The following DENND1A variants were observed in gnomAD, a reference collection of about 807,000 sequenced individuals.
DENND1A encodes DENN domain containing 1A, also known as DENN domain-containing protein 1A.
A neutral mutation model predicts 113.7 loss-of-function variants in DENND1A; 51 were observed. The observed-to-expected ratio is 0.45, with a 90% CI of 0.36 to 0.57. The LOEUF (loss-of-function observed/expected upper bound fraction) is 0.57. Ranked by LOEUF, DENND1A falls within the 20% of genes least tolerant of loss-of-function variation. DENND1A has a pLI of 0.00. For synonymous variants in DENND1A, 565 were observed against 570.8 expected, an observed-to-expected ratio of 0.99 and a Z score of 0.14; for missense variants, 1,258 against 1,395.9, an observed-to-expected ratio of 0.90 and a Z score of 1.57.
intron 13 of DENND1A, among the ~76,000 whole-genome samples, chr9:123,474,292 G>A (rs1461564813): frequency 6.6e-6 from 1 of 152,100 alleles, no homozygotes; most frequent in African/African-American, 2.4e-5. Flanking sequence ...ACCTTGCCCA[G>A]CCTGTAACAT....
intron 1 of DENND1A, among the ~76,000 whole-genome samples, chr9:123,911,512 G>T (rs983303591): frequency 1.5e-4 from 23 of 152,112 alleles, no homozygotes; most frequent in African/African-American, 5.3e-4. Flanking sequence ...AATGGGAATC[G>T]TACTACGCAG....
intron 5 of DENND1A, among the ~76,000 whole-genome samples, chr9:123,723,407 G>T (rs999123460): frequency 3.9e-5 from 6 of 152,166 alleles, no homozygotes; most frequent in African/African-American, 1.2e-4. Flanking sequence ...GGGAAGGCAT[G>T]ATTAGTTTTG....
intron 2 of DENND1A, among the ~76,000 whole-genome samples, chr9:123,834,106 C>T (rs896512779): frequency 2.6e-5 from 4 of 152,180 alleles, no homozygotes; most frequent in Admixed American, 2.6e-4. Flanking sequence ...ATTATCACTA[C>T]TGTTAAATGA....
At chr9:123,385,052 C>A (rs1446535832) in intron 22 of DENND1A, among the ~76,000 whole-genome samples, 1 of 152,250 alleles carries the variant, frequency 6.6e-6, no homozygotes, top group Non-Finnish European at 1.5e-5. Flanking sequence ...GTTCCACTTG[C>A]CTTCCCTTCC....
chr9:123,707,387 C>G (rs951865809), intron 5 of DENND1A, among the ~76,000 whole-genome samples: 2 of 148,770 alleles, frequency 1.3e-5, no homozygotes, highest in African/African-American at 5.0e-5. Context: ...AGAGCGTTAA[C>G]TCCATCTCAA....
chr9:123,606,772 A>C (rs75486609), intron 11 of DENND1A, among the ~76,000 whole-genome samples: 23,489 of 152,270 alleles, frequency 0.15, 2,244 homozygotes, highest in Admixed American at 0.22. Context: ...TGCTGAGGAC[A>C]CCACAGTGAA....
intron 19 of DENND1A, among the ~76,000 whole-genome samples, chr9:123,425,162 C>T (rs1440825930): frequency 6.6e-6 from 1 of 152,222 alleles, no homozygotes; most frequent in Non-Finnish European, 1.5e-5. Flanking sequence ...ATTTCCCCTT[C>T]CCTGCTGTGA....
At chr9:123,724,161 G>A (rs934748802) in intron 5 of DENND1A, among the ~76,000 whole-genome samples, 2 of 152,106 alleles carry the variant, frequency 1.3e-5, no homozygotes, top group African/African-American at 4.8e-5. Flanking sequence ...AGAGTCAACT[G>A]GGTTGCTCTA....
intron 13 of DENND1A, among the ~76,000 whole-genome samples, chr9:123,513,057 T>C (rs1238673201): frequency 6.6e-6 from 1 of 152,234 alleles, no homozygotes; most frequent in African/African-American, 2.4e-5. Flanking sequence ...TATAGGAATG[T>C]GGATCGTTCA....
chr9:123,552,010 AGC>A (rs1426547028), intron 13 of DENND1A, among the ~76,000 whole-genome samples: 16 of 142,118 alleles, frequency 1.1e-4, no homozygotes, highest in African/African-American at 2.5e-4. Context: ...AGCGAGAGAG[AGC>A]GAGAGCGAGA....
At chr9:123,730,587 A>G (rs554069008) in intron 5 of DENND1A, among the ~76,000 whole-genome samples, 1 of 152,364 alleles carries the variant, frequency 6.6e-6, no homozygotes, top group African/African-American at 2.4e-5. Context: ...AATGGCAATC[A>G]TTAAAAAGTC....
At chr9:123,426,498 C>T (rs2045743430) in intron 19 of DENND1A, among the ~76,000 whole-genome samples, 1 of 152,142 alleles carries the variant, frequency 6.6e-6, no homozygotes, top group Non-Finnish European at 1.5e-5. Context: ...TGCTAGAAAC[C>T]ACAGGTAGAG....
chr9:123,390,495 T>C (rs913908901), intron 21 of DENND1A, among the ~76,000 whole-genome samples: 33 of 152,244 alleles, frequency 2.2e-4, no homozygotes, highest in African/African-American at 8.0e-4. Flanking sequence ...CCGTGCTTTA[T>C]AGAGGCCACT....
chr9:123,841,562 A>G (rs1030654857), intron 2 of DENND1A, among the ~76,000 whole-genome samples: 1 of 152,164 alleles, frequency 6.6e-6, no homozygotes, highest in African/African-American at 2.4e-5. Flanking sequence ...AGGCAAACTA[A>G]CAACTGCACA....
intron 18 of DENND1A, among the ~76,000 whole-genome samples, chr9:123,443,156 T>A (rs950301869): frequency 6.6e-6 from 1 of 152,180 alleles, no homozygotes; most frequent in African/African-American, 2.4e-5. Context: ...GAAGGTGGAA[T>A]AACCCAGAGC....
chr9:123,475,410 G>A (rs1305464323), intron 13 of DENND1A, among the ~76,000 whole-genome samples: 1 of 152,242 alleles, frequency 6.6e-6, no homozygotes. Flanking sequence ...CCTTACTGAA[G>A]AAATCCTCAA....
chr9:123,440,494 G>A lies in DENND1A; in HGVS notation c.1357-3C>T, dbSNP rs772904235. The A allele has an allele frequency of 2.6e-6, 4 of 1,556,082 alleles. No individual in the cohort carries two copies. The South Asian group carries it at 4.8e-5, about 19-fold the overall frequency. On this transcript the variant is annotated splice_polypyrimidine_tract_variant and splice_region_variant and intron_variant, in intron 18 of 23. Coordinates refer to ENST00000394215, the MANE Select transcript of DENND1A (RefSeq NM_001352964.2). ...GCGCAGCCATTCTCGGCAATGTCCT[G>A]TAGGGAGAAGGATAGTCAGCGGTTG...
chr9:123,894,780 A>G (rs981230174), intron 1 of DENND1A, among the ~76,000 whole-genome samples: 2 of 152,240 alleles, frequency 1.3e-5, no homozygotes, highest in African/African-American at 4.8e-5. Context: ...ATTTTGATGT[A>G]ACTCCACAAA....
At chr9:123,521,157 T>C (rs533835911) in intron 13 of DENND1A, among the ~76,000 whole-genome samples, 33 of 152,308 alleles carry the variant, frequency 2.2e-4, no homozygotes, top group African/African-American at 7.7e-4. Context: ...AGCTCCCCTG[T>C]GTGCCCATGC....
Sources: gnomAD v4.1 joint callset for allele counts (sites outside exome capture counted in the v4.1 genomes callset) on GRCh38, gnomAD v4.1.1 for gene constraint, MANE v1.5 for transcripts, NCBI Gene and HGNC (gene_info 2026-07-23, HGNC 2026-07-21) for gene names.